Variants in VSTM5 observed in about 807,000 individuals in gnomAD.
The protein encoded by VSTM5 is V-set and transmembrane domain-containing protein 5.
A neutral mutation model predicts 20.3 loss-of-function variants in VSTM5; 21 were observed. The observed-to-expected ratio is 1.03, with a 90% CI of 0.73 to 1.49. The LOEUF is 1.49. Ranked by LOEUF, VSTM5 falls within the 40% of genes most tolerant of loss-of-function variation. The pLI, the probability that VSTM5 is intolerant of heterozygous loss-of-function variation, is 0.00. For synonymous variants in VSTM5, 100 were observed against 102.5 expected, an observed-to-expected ratio of 0.98 and a Z score of 0.14; for missense variants, 219 against 250.0, an observed-to-expected ratio of 0.88 and a Z score of 0.84.
chr11:93,829,150 C>A (rs1357120651), intron 1 of VSTM5, among the ~76,000 whole-genome samples: 1 of 152,214 alleles, frequency 6.6e-6, no homozygotes, highest in African/African-American at 2.4e-5. Context: ...GGGTGACTGA[C>A]CAACTGCCCC....
chr11:93,837,475 T>G (rs1244433475), intron 1 of VSTM5, among the ~76,000 whole-genome samples: 1 of 151,922 alleles, frequency 6.6e-6, no homozygotes, highest in African/African-American at 2.4e-5. Flanking sequence ...AGGAAAGTAA[T>G]CCCAGGAAAT....
At chr11:93,832,940 G>T (rs982307710) in intron 1 of VSTM5, among the ~76,000 whole-genome samples, 1 of 152,168 alleles carries the variant, frequency 6.6e-6, no homozygotes, top group East Asian at 1.9e-4. Context: ...ATAGCACATG[G>T]CTCAGTGCTG....
At chr11:93,835,179 C>G (rs534827831) in intron 1 of VSTM5, among the ~76,000 whole-genome samples, 2 of 152,100 alleles carry the variant, frequency 1.3e-5, no homozygotes, top group East Asian at 3.9e-4. Flanking sequence ...AATCCCAGCA[C>G]TTTTGAAGGC....
chr11:93,823,914 C>CT (rs55797713), intron 1 of VSTM5, among the ~76,000 whole-genome samples: 140,007 of 146,948 alleles, frequency 0.95, 66,955 homozygotes, highest in South Asian at 1. Flanking sequence ...TTGTATGGCA[C>CT]TTTTTTTTTT....
chr11:93,826,527 A>G (rs1238152536), intron 1 of VSTM5, among the ~76,000 whole-genome samples: 1 of 151,776 alleles, frequency 6.6e-6, no homozygotes, highest in Non-Finnish European at 1.5e-5. Flanking sequence ...CCACCCGAGT[A>G]GCTGGGACTA....
chr11:93,830,824 G>T (rs961577655), intron 1 of VSTM5, among the ~76,000 whole-genome samples: 1 of 151,748 alleles, frequency 6.6e-6, no homozygotes, highest in East Asian at 1.9e-4. Flanking sequence ...TGGGATCTTG[G>T]CTCACTGCAA....
intron 1 of VSTM5, among the ~76,000 whole-genome samples, chr11:93,843,392 T>C (rs1944387089): frequency 6.6e-6 from 1 of 152,150 alleles, no homozygotes; most frequent in Admixed American, 6.5e-5. Context: ...GGTTGGTCTG[T>C]CTTGGTGACC....
intron 1 of VSTM5, among the ~76,000 whole-genome samples, chr11:93,835,764 A>T (rs767762882): frequency 6.6e-6 from 1 of 152,218 alleles, no homozygotes; most frequent in Non-Finnish European, 1.5e-5. Flanking sequence ...TTAAATGCAC[A>T]CAGAATTGAG....
chr11:93,848,531 C>T (rs1044067704), intron 1 of VSTM5, among the ~76,000 whole-genome samples: 2 of 152,194 alleles, frequency 1.3e-5, no homozygotes, highest in Non-Finnish European at 1.5e-5. Context: ...TCCTGTCCCC[C>T]GAGCTGCTCC....
intron 1 of VSTM5, among the ~76,000 whole-genome samples, chr11:93,829,776 A>G (rs929888890): frequency 6.6e-6 from 1 of 152,142 alleles, no homozygotes; most frequent in African/African-American, 2.4e-5. Context: ...TCAGCACTGC[A>G]CTTGCCACAG....
At chr11:93,833,540 T>G (rs1357326221) in intron 1 of VSTM5, among the ~76,000 whole-genome samples, 29 of 152,200 alleles carry the variant, frequency 1.9e-4, no homozygotes, top group Admixed American at 1.9e-3. Flanking sequence ...CATTTCAGTC[T>G]GGGTGACACA....
intron 1 of VSTM5, among the ~76,000 whole-genome samples, chr11:93,843,006 A>G (rs1695306255): frequency 6.6e-6 from 1 of 151,858 alleles, no homozygotes; most frequent in Non-Finnish European, 1.5e-5. Flanking sequence ...CAGGAGAATC[A>G]CTTGATCCTG....
chr11:93,839,553 C>T (rs769815372), intron 1 of VSTM5, among the ~76,000 whole-genome samples: 4 of 152,190 alleles, frequency 2.6e-5, no homozygotes, highest in Admixed American at 6.5e-5. Context: ...GAGTATGACA[C>T]GCAGTAAGCA....
chr11:93,822,681 G>A (rs1445077423), intron 1 of VSTM5, among the ~76,000 whole-genome samples: 2 of 151,794 alleles, frequency 1.3e-5, no homozygotes, highest in African/African-American at 4.8e-5. Context: ...GTAGAAATGG[G>A]GTTTTGTCAT....
At chr11:93,827,449 G>A (rs1944248057) in intron 1 of VSTM5, among the ~76,000 whole-genome samples, 2 of 152,202 alleles carry the variant, frequency 1.3e-5, no homozygotes, top group South Asian at 2.1e-4. Context: ...CAAACTGCTT[G>A]TTGATTATTT....
At chr11:93,830,324 C>T (rs1944271461) in intron 1 of VSTM5, among the ~76,000 whole-genome samples, 1 of 152,192 alleles carries the variant, frequency 6.6e-6, no homozygotes, top group Non-Finnish European at 1.5e-5. Context: ...TTGGGAGAAC[C>T]TAAGGCTGGA....
intron 1 of VSTM5, among the ~76,000 whole-genome samples, chr11:93,827,965 A>G (rs1263060655): frequency 1.3e-5 from 2 of 152,322 alleles, no homozygotes; most frequent in Non-Finnish European, 2.9e-5. Flanking sequence ...ATTGCCCCTC[A>G]GAGATCAAAT....
chr11:93,833,273 T>C (rs1253625570), intron 1 of VSTM5, among the ~76,000 whole-genome samples: 2 of 152,222 alleles, frequency 1.3e-5, no homozygotes, highest in African/African-American at 4.8e-5. Context: ...ATATGGCCAC[T>C]AGAACATTTA....
intron 1 of VSTM5, among the ~76,000 whole-genome samples, chr11:93,844,398 T>C (rs11828927): frequency 0.2 from 30,449 of 151,992 alleles, 3,453 homozygotes; most frequent in African/African-American, 0.3. Context: ...TGCCTAGTGC[T>C]GAAGGACCCA....
Sources: gnomAD v4.1 joint callset for allele counts (sites outside exome capture counted in the v4.1 genomes callset) on GRCh38, gnomAD v4.1.1 for gene constraint, MANE v1.5 for transcripts, NCBI Gene and HGNC (gene_info 2026-07-23, HGNC 2026-07-21) for gene names.